The following LRRFIP2 variants were observed in gnomAD, a reference collection of about 807,000 sequenced individuals.
The protein encoded by LRRFIP2 is leucine-rich repeat flightless-interacting protein 2.
LRRFIP2 carries 109 observed loss-of-function variants against 125.9 expected under a neutral mutation model. That is an observed-to-expected ratio of 0.87 (90% CI 0.74 to 1.01). The LOEUF (loss-of-function observed/expected upper bound fraction) is 1.01. Ranked by LOEUF, LRRFIP2 falls within the 50% of genes least tolerant of loss-of-function variation. The pLI is 0.00. For missense variants in LRRFIP2, 850 were observed against 862.3 expected (o/e 0.99, Z 0.18); for synonymous variants, 291 against 293.1 (o/e 0.99, Z 0.07).
At chr3:37,150,719 A>C (rs930384122) in intron 1 of LRRFIP2, among the ~76,000 whole-genome samples, 2 of 152,180 alleles carry the variant, frequency 1.3e-5, no homozygotes, top group Non-Finnish European at 2.9e-5. Flanking sequence ...TAACTTAAAA[A>C]ATTTTTGACT....
chr3:37,157,370 G>A (rs2096230000), intron 1 of LRRFIP2, among the ~76,000 whole-genome samples: 1 of 152,108 alleles, frequency 6.6e-6, no homozygotes, highest in African/African-American at 2.4e-5. Context: ...TTGAACCCAG[G>A]AGGTAGAGGA....
chr3:37,119,046 C>T (rs1272833129), intron 6 of LRRFIP2, among the ~76,000 whole-genome samples: 1 of 152,102 alleles, frequency 6.6e-6, no homozygotes, highest in Non-Finnish European at 1.5e-5. Context: ...AATTATATTT[C>T]TTTTAAATGA....
chr3:37,060,919 G>A lies in LRRFIP2; in HGVS notation c.1750-2009C>T, dbSNP rs1007185916. 1.3e-5 allele frequency among the ~76,000 whole-genome samples: 2 copies of A among 152,012 alleles called. No individual in the cohort carries two copies. Among genetic ancestry groups the A allele is most frequent in the African/African-American group, 2.4e-5 (1 of 41,382 alleles). ...CAATTTCTGGTATATCTCCTCTTAC[G>A]GTTTGGATGTCTGTCCCCTCCAAAT... is the stretch of plus-strand genomic sequence containing the variant. On this transcript the variant is annotated intron_variant, in intron 24 of 27. Coordinates refer to ENST00000336686, the MANE Select transcript of LRRFIP2 (RefSeq NM_006309.4). This position sits in a 1 kb window ranked among gnomAD's most constrained non-coding sequence, Gnocchi z 4.1.
intron 1 of LRRFIP2, among the ~76,000 whole-genome samples, chr3:37,167,664 A>T (rs948317837): frequency 1.3e-5 from 2 of 150,618 alleles, no homozygotes; most frequent in African/African-American, 4.9e-5. Flanking sequence ...AAAAAAAAAA[A>T]AAAGAAAGAA....
At position 37,119,958 on chromosome 3, in the gene LRRFIP2, G is replaced by A. The variant is rs150200806; in HGVS notation, c.330+1534C>T. Among the ~76,000 whole-genome samples the A allele has an allele frequency of 2.1e-4, 32 of 152,032 alleles. No homozygotes were observed. The East Asian group carries it at 5.0e-3, about 24-fold the overall frequency. ...ATTACAGATGTGAGCCACCGCTCCC[G>A]GCCTTTTCAAAATATTTAAAGAGAA... On this transcript the variant is annotated intron_variant, in intron 6 of 27. Coordinates refer to ENST00000336686, the MANE Select transcript of LRRFIP2 (RefSeq NM_006309.4).
intron 1 of LRRFIP2, among the ~76,000 whole-genome samples, chr3:37,154,171 G>A (rs1453064916): frequency 1.3e-5 from 2 of 151,934 alleles, no homozygotes; most frequent in Non-Finnish European, 2.9e-5. Flanking sequence ...GGGAGACCCT[G>A]TCTCAAAAAA....
chr3:37,120,692 A>G (rs1325427989), intron 6 of LRRFIP2, among the ~76,000 whole-genome samples: 1 of 152,148 alleles, frequency 6.6e-6, no homozygotes, highest in African/African-American at 2.4e-5. Context: ...AGACTTTAAC[A>G]TGAAAGATCA....
intron 19 of LRRFIP2, among the ~76,000 whole-genome samples, chr3:37,078,269 C>T (rs1301484939): frequency 6.6e-6 from 1 of 152,026 alleles, no homozygotes; most frequent in Non-Finnish European, 1.5e-5. Context: ...CAGAAAGAAA[C>T]TATTTCAAGT....
intron 21 of LRRFIP2, among the ~76,000 whole-genome samples, chr3:37,069,947 T>A: frequency 6.6e-6 from 1 of 152,236 alleles, no homozygotes; most frequent in East Asian, 1.9e-4. Context: ...AGGCTATGAC[T>A]ATAAAAAGGC....
At chr3:37,142,039 G>A (rs2149898053) in intron 2 of LRRFIP2, among the ~76,000 whole-genome samples, 1 of 152,130 alleles carries the variant, frequency 6.6e-6, no homozygotes, top group South Asian at 2.1e-4. Flanking sequence ...GAGAGCAAGA[G>A]ATGACTTTTC....
intron 24 of LRRFIP2, among the ~76,000 whole-genome samples, chr3:37,062,500 GA>G (rs2148719592): frequency 6.6e-6 from 1 of 152,238 alleles, no homozygotes; most frequent in Admixed American, 6.5e-5. Context: ...CATCACACAT[GA>G]AAACTTCAAA....
chr3:37,105,582 T>A, intron 13 of LRRFIP2, 59 bp from the exon 14 acceptor site: 2 of 1,258,544 alleles, frequency 1.6e-6, no homozygotes, highest in Non-Finnish European at 2.3e-6. Flanking sequence ...TGTTACCTCA[T>A]TATAAGTACA....
At chr3:37,162,063 G>T (rs980794485) in intron 1 of LRRFIP2, among the ~76,000 whole-genome samples, 9 of 149,174 alleles carry the variant, frequency 6.0e-5, no homozygotes, top group African/African-American at 2.2e-4. Flanking sequence ...GACTGAGGCA[G>T]GAGCATCGCT....
At chr3:37,149,064 TTAAGG>T (rs1324327909) in intron 1 of LRRFIP2, 26 bp from the exon 2 acceptor site, 3 of 1,557,398 alleles carry the variant, frequency 1.9e-6, no homozygotes, top group Non-Finnish European at 2.6e-6. Flanking sequence ...ACATAATAAC[TTAAGG>T]TATTTCTTTG....
rs1264993325 is a variant in LRRFIP2 at position 37,114,977 on chromosome 3, T to C, written c.372+77A>G. 2.7e-6 allele frequency: 3 copies of C among 1,120,986 alleles called. No individual in the cohort carries two copies. In the African/African-American group the frequency reaches 4.6e-5, roughly 17 times the overall value. 69.4% of individuals were successfully genotyped at this position (1,120,986 alleles called of 1,614,324 possible). On this transcript the variant is annotated intron_variant, in intron 7 of 27. Coordinates refer to ENST00000336686, the MANE Select transcript of LRRFIP2 (RefSeq NM_006309.4). Reference sequence around the variant, plus strand: ...TTCATAACAAAGCCATGAAAGTTAGTCATATTCTATAATTAGCATCAACAG... The same window carrying C: ...TTCATAACAAAGCCATGAAAGTTAGCCATATTCTATAATTAGCATCAACAG...
At chr3:37,119,471 C>A (rs966433445) in intron 6 of LRRFIP2, among the ~76,000 whole-genome samples, 3 of 152,030 alleles carry the variant, frequency 2.0e-5, no homozygotes, top group Non-Finnish European at 4.4e-5. Context: ...ATCAAATTTC[C>A]TAAGGCCACA....
intron 6 of LRRFIP2, among the ~76,000 whole-genome samples, chr3:37,120,595 C>T (rs1402169303): frequency 6.6e-6 from 1 of 151,302 alleles, no homozygotes; most frequent in Non-Finnish European, 1.5e-5. Flanking sequence ...AACTAGTATG[C>T]CAGAGCACAC....
At chr3:37,129,358 G>A (rs1217096119) in intron 2 of LRRFIP2, among the ~76,000 whole-genome samples, 1 of 151,932 alleles carries the variant, frequency 6.6e-6, no homozygotes, top group African/African-American at 2.4e-5. Flanking sequence ...CTCAAATCCG[G>A]GCCTTTACCT....
At chr3:37,099,995 G>T (rs2093931292) in intron 15 of LRRFIP2, among the ~76,000 whole-genome samples, 1 of 151,944 alleles carries the variant, frequency 6.6e-6, no homozygotes, top group Non-Finnish European at 1.5e-5. Context: ...TTTGAAAGTG[G>T]GAGGGGAGGG....
Sources: allele counts gnomAD v4.1 joint callset (sites outside exome capture counted in the v4.1 genomes callset), GRCh38; gene constraint gnomAD v4.1.1; non-coding constraint Gnocchi (gnomAD v3.1); transcripts MANE v1.5; gene names NCBI Gene and HGNC (gene_info 2026-07-23, HGNC 2026-07-21).